PKHD1: variants seen among roughly 807,000 people sequenced by gnomAD.
PKHD1 encodes fibrocystin.
In PKHD1, 291 loss-of-function variants were observed where a neutral mutation model predicts 412.0. The ratio of observed to expected loss-of-function variants is 0.71; its 90% confidence interval spans 0.64 to 0.78. PKHD1 has a LOEUF of 0.78. Among genes scored for constraint, PKHD1 ranks in the 30% least tolerant of loss-of-function variants. The pLI is 0.00. For synonymous variants in PKHD1, 1,777 were observed against 1,821.5 expected (o/e 0.98, Z 0.62); for missense variants, 4,825 against 4,950.7 (o/e 0.97, Z 0.76).
intron 60 of PKHD1, among the ~76,000 whole-genome samples, chr6:51,692,118 T>C (rs1778232965): frequency 6.6e-6 from 1 of 152,156 alleles, no homozygotes; most frequent in Non-Finnish European, 1.5e-5. Context: ...CTCAAATAAG[T>C]ATTCTCACTC....
chr6:52,025,063 A>G lies in PKHD1; in HGVS notation c.4747T>C (p.Phe1583Leu). Residue 1583 changes from phenylalanine (F) to leucine (L), a missense_variant, in exon 32 of 67, where the codon TTC becomes CTC. Coordinates refer to ENST00000371117, the MANE Select transcript of PKHD1 (RefSeq NM_138694.4). ...AAGAGGCTTCCACCATGTAAGCTGA[A>G]ATTCTTAGGAAAATAATGAAACACT... Reference protein sequence around the residue: ...PQVFHYFPKNFSLHGGSLLTI... With the variant: ...PQVFHYFPKNLSLHGGSLLTI... 1 of 1,614,186 alleles carries G rather than the reference A, an allele frequency of 6.2e-7. No homozygotes were observed. Among genetic ancestry groups the G allele is most frequent in the Non-Finnish European group, 8.5e-7 (1 of 1,180,030 alleles).
chr6:51,990,205 T>A (rs535051021), intron 35 of PKHD1, among the ~76,000 whole-genome samples: 18 of 151,996 alleles, frequency 1.2e-4, no homozygotes, highest in East Asian at 3.9e-4. Flanking sequence ...AAGATTTTTT[T>A]AAAAAATCAT....
chr6:52,048,568 C>G lies in PKHD1; in HGVS notation c.2331G>C (p.Thr777=). ...TEEGSGLVLV[T]TQRRQRTSPP... ...GACTTGTCCGCTGTCGTCTCTGTGT[C>G]GTCACCAGGACCAGTCCAGATCCCT... Residue 777 remains threonine (T), a synonymous_variant, in exon 23 of 67, where the codon ACG becomes ACC. Coordinates refer to ENST00000371117, the MANE Select transcript of PKHD1 (RefSeq NM_138694.4). 6.2e-7 allele frequency: 1 copy of G among 1,614,044 alleles called. No homozygotes were observed.
intron 43 of PKHD1, among the ~76,000 whole-genome samples, chr6:51,898,838 C>T (rs1353988185): frequency 6.6e-6 from 1 of 151,622 alleles, no homozygotes. Context: ...GGGGATATCA[C>T]CACCGATCCC....
intron 60 of PKHD1, among the ~76,000 whole-genome samples, chr6:51,698,792 C>T (rs1042660203): frequency 2.6e-5 from 4 of 152,170 alleles, no homozygotes; most frequent in Non-Finnish European, 5.9e-5. Context: ...GAATCAGTGC[C>T]AGAGGGGGAA....
chr6:51,898,823 A>G (rs1780637697), intron 43 of PKHD1, among the ~76,000 whole-genome samples: 1 of 151,586 alleles, frequency 6.6e-6, no homozygotes, highest in Non-Finnish European at 1.5e-5. Context: ...ATAAAAAATG[A>G]TAAAGGGGAT....
chr6:51,992,335 A>G (rs546575153), intron 35 of PKHD1, among the ~76,000 whole-genome samples: 1 of 151,986 alleles, frequency 6.6e-6, no homozygotes, highest in South Asian at 2.1e-4. Context: ...TTTTCTTTCC[A>G]TTTTTCTCAA....
rs775214256 is a variant in PKHD1 at position 52,064,942 on chromosome 6, G to A, written c.976+13C>T. 6 of 1,495,042 alleles carry A rather than the reference G, an allele frequency of 4.0e-6. No individual in the cohort carries two copies. In the South Asian group the frequency reaches 6.8e-5, roughly 17 times the overall value. The allele number at this position is 1,495,042 out of a possible 1,614,324, so 92.6% of individuals were successfully genotyped here. ...ATTCAGAGTTTATTGAACAGCCCTGGTGGCTTCCTTACCTGGCTGAGGGGT... is the reference window on the plus strand; with the variant it reads ...ATTCAGAGTTTATTGAACAGCCCTGATGGCTTCCTTACCTGGCTGAGGGGT... On this transcript the variant is annotated intron_variant, in intron 13 of 66. Transcript: ENST00000371117.
At chr6:51,889,913 C>G (rs950740347) in intron 43 of PKHD1, among the ~76,000 whole-genome samples, 1 of 152,066 alleles carries the variant, frequency 6.6e-6, no homozygotes. Context: ...GGATAGAGAC[C>G]TAGAAATCAG....
At chr6:51,897,601 T>A (rs1172706559) in intron 43 of PKHD1, among the ~76,000 whole-genome samples, 1 of 144,790 alleles carries the variant, frequency 6.9e-6, no homozygotes, top group Non-Finnish European at 1.5e-5. Context: ...AGAAACTGCA[T>A]CAACTAACGA....
intron 31 of PKHD1, among the ~76,000 whole-genome samples, chr6:52,027,361 A>C (rs1424316580): frequency 2.0e-5 from 3 of 151,874 alleles, no homozygotes; most frequent in Non-Finnish European, 2.9e-5. Flanking sequence ...GTGAAACCCC[A>C]TCTCTACTAA....
chr6:51,805,807 G>A (rs1396559958), intron 52 of PKHD1, among the ~76,000 whole-genome samples: 1 of 152,122 alleles, frequency 6.6e-6, no homozygotes, highest in Non-Finnish European at 1.5e-5. Context: ...CACAGCAGGA[G>A]AAGAATAATT....
chr6:51,646,459 G>T (rs1261679373), intron 63 of PKHD1, among the ~76,000 whole-genome samples: 1 of 152,078 alleles, frequency 6.6e-6, no homozygotes, highest in African/African-American at 2.4e-5. Context: ...TTGGAGGGAG[G>T]CAGGTAAGAA....
In PKHD1 at chr6:51,855,946, G is replaced by C. The variant is rs779252924; in HGVS notation, c.7858C>G (p.Gln2620Glu). The C allele has an allele frequency of 6.2e-7, 1 of 1,613,706 alleles. No individual in the cohort carries two copies. Among genetic ancestry groups the C allele is most frequent in the Non-Finnish European group, 8.5e-7 (1 of 1,179,756 alleles). The change falls in exon 49 of 67, where the codon CAA (glutamine) becomes GAA (glutamate). Residue 2620 changes from glutamine (Q) to glutamate (E), a missense_variant. Transcript: ENST00000371117. Reference protein sequence around the residue: ...PRGWMALLLDQETYSLQSENL... With the variant: ...PRGWMALLLDEETYSLQSENL... ...TCAGATTGCAATGAGTAGGTCTCTT[G>C]GTCCAAGAGCAGAGCCATCCAGCCA...
intron 55 of PKHD1, among the ~76,000 whole-genome samples, chr6:51,761,675 C>A (rs558751213): frequency 5.7e-4 from 87 of 152,078 alleles, no homozygotes; most frequent in Non-Finnish European, 1.1e-3. Flanking sequence ...GCAATACATG[C>A]ATCAAAACAT....
chr6:51,695,551 T>C (rs1212273443), intron 60 of PKHD1, among the ~76,000 whole-genome samples: 3 of 152,160 alleles, frequency 2.0e-5, no homozygotes, highest in Admixed American at 2.0e-4. Context: ...ATAATTTGTA[T>C]CTATGTAACA....
intron 35 of PKHD1, among the ~76,000 whole-genome samples, chr6:51,972,302 C>G (rs147133200): frequency 2.0e-5 from 3 of 152,182 alleles, no homozygotes; most frequent in Non-Finnish European, 4.4e-5. Context: ...TTAAGCTTCA[C>G]GTTTGAGGTA....
At chr6:51,622,996 T>G (rs1166523714) in intron 66 of PKHD1, 1 of 152,170 alleles carries the variant, frequency 6.6e-6, no homozygotes, top group Admixed American at 6.5e-5. Flanking sequence ...TGCCCATATA[T>G]TCTTGTAACA....
At chr6:51,906,587 G>A (rs912022335) in intron 40 of PKHD1, among the ~76,000 whole-genome samples, 1 of 151,766 alleles carries the variant, frequency 6.6e-6, no homozygotes, top group Non-Finnish European at 1.5e-5. Flanking sequence ...GAAAGACAAA[G>A]TATGTCTAAA....
Sources: allele counts gnomAD v4.1 joint callset (sites outside exome capture counted in the v4.1 genomes callset), GRCh38; gene constraint gnomAD v4.1.1; transcripts MANE v1.5; gene names NCBI Gene and HGNC (gene_info 2026-07-23, HGNC 2026-07-21).